ZSWIM5: variants seen among roughly 807,000 people sequenced by gnomAD.
ZSWIM5 encodes the protein zinc finger SWIM-type containing 5.
In ZSWIM5, 55 loss-of-function variants were observed where a neutral mutation model predicts 119.6. That is an observed-to-expected ratio of 0.46 (90% CI 0.37 to 0.58). The LOEUF (loss-of-function observed/expected upper bound fraction) is 0.58, where lower values mean the gene tolerates loss of function less well. Ranked by LOEUF, ZSWIM5 falls within the 20% of genes least tolerant of loss-of-function variation. The pLI is 0.00. For synonymous variants in ZSWIM5, 537 were observed against 606.9 expected (o/e 0.88, Z 1.69); for missense variants, 1,193 against 1,512.8 (o/e 0.79, Z 3.51).
chr1:45,203,969 ATG>A (rs1196782326), intron 1 of ZSWIM5, among the ~76,000 whole-genome samples: 1 of 152,116 alleles, frequency 6.6e-6, no homozygotes, highest in South Asian at 2.1e-4. Flanking sequence ...GTTTGTTTAT[ATG>A]TGTCTTCTGA....
At chr1:45,150,103 G>A (rs1028185639) in intron 1 of ZSWIM5, among the ~76,000 whole-genome samples, 2 of 149,596 alleles carry the variant, frequency 1.3e-5, no homozygotes, top group African/African-American at 4.9e-5. Context: ...CCAGGAGTTC[G>A]AGGCTGCAAT....
chr1:45,104,234 CAAT>C (rs1006415786), intron 1 of ZSWIM5, among the ~76,000 whole-genome samples: 3 of 152,190 alleles, frequency 2.0e-5, no homozygotes, highest in Non-Finnish European at 4.4e-5. Flanking sequence ...ACAATTAAAA[CAAT>C]GAGAGTGACA....
chr1:45,029,457 T>A (rs752279276), intron 11 of ZSWIM5, among the ~76,000 whole-genome samples: 41 of 152,232 alleles, frequency 2.7e-4, no homozygotes, highest in Non-Finnish European at 4.7e-4. Context: ...GTAATCCATG[T>A]TTTTTACTTC....
At chr1:45,075,986 G>A (rs969413133) in intron 2 of ZSWIM5, among the ~76,000 whole-genome samples, 3 of 149,930 alleles carry the variant, frequency 2.0e-5, no homozygotes, top group Admixed American at 1.3e-4. Flanking sequence ...GCAAACAAAC[G>A]AGCCAAAAGA....
chr1:45,032,324 C>A (rs1303714502), intron 11 of ZSWIM5, among the ~76,000 whole-genome samples: 1 of 151,578 alleles, frequency 6.6e-6, no homozygotes, highest in Non-Finnish European at 1.5e-5. Flanking sequence ...AAGACAGGAT[C>A]TTGCTATGTT....
chr1:45,115,582 G>A (rs1278960103), intron 1 of ZSWIM5, among the ~76,000 whole-genome samples: 1 of 150,664 alleles, frequency 6.6e-6, no homozygotes, highest in East Asian at 2.0e-4. Flanking sequence ...GACGATGGGC[G>A]GCCGGGCAGA....
chr1:45,194,810 G>A (rs1328504242), intron 1 of ZSWIM5, among the ~76,000 whole-genome samples: 6 of 151,688 alleles, frequency 4.0e-5, no homozygotes, highest in Non-Finnish European at 7.4e-5. Flanking sequence ...CCAGGAGGCG[G>A]AGCTTGCAGT....
chr1:45,029,031 A>C (rs1644936863), intron 11 of ZSWIM5, among the ~76,000 whole-genome samples: 1 of 152,232 alleles, frequency 6.6e-6, no homozygotes, highest in South Asian at 2.1e-4. Flanking sequence ...TTTGAAAGTA[A>C]GTGACTTGAT....
rs796877047 is a variant in ZSWIM5 at position 45,134,167 on chromosome 1, T to TG, written c.596-45931dup. 2.0e-5 allele frequency among the ~76,000 whole-genome samples: 3 copies of TG among 152,300 alleles called. No individual in the cohort carries two copies. In the South Asian group the frequency reaches 6.2e-4, roughly 32 times the overall value. On this transcript the variant is annotated intron_variant, in intron 1 of 13. Transcript: ENST00000359600. ...GTGAAGAAAGTCACTGGTAGCTTGA[T>TG]GGTGATGGCATTGAATCTATAAATT...
In ZSWIM5 at chr1:45,019,017, G is replaced by C. The variant is rs1644871722; in HGVS notation, c.2995C>G (p.Gln999Glu). 6.2e-7 allele frequency: 1 copy of C among 1,614,124 alleles called. No homozygotes were observed. The highest frequency in any genetic ancestry group is 1.1e-5 in the South Asian group (1 of 91,092). The change falls in exon 14 of 14, where the codon CAG becomes GAG. Residue 999 changes from glutamine to glutamate, a missense_variant. By Grantham distance (29) the Gln-to-Glu change is conservative. Coordinates refer to ENST00000359600, the MANE Select transcript of ZSWIM5 (RefSeq NM_020883.2). This position sits in a 1 kb window ranked among gnomAD's most constrained non-coding sequence, Gnocchi z 5.0. ...DAAAGGMTHS[Q>E]LFTIARYMEL... ...ATGTAGCGGGCGATGGTGAACAGCT[G>C]TGAATGGGTCATACCACCAGCAGCA...
chr1:45,187,410 A>G (rs1314014360), intron 1 of ZSWIM5, among the ~76,000 whole-genome samples: 1 of 152,174 alleles, frequency 6.6e-6, no homozygotes, highest in Non-Finnish European at 1.5e-5. Context: ...AAAAAAGTTG[A>G]AGCCCCTTCT....
intron 5 of ZSWIM5, 26 bp downstream of exon 5, chr1:45,051,048 A>G: frequency 6.3e-7 from 1 of 1,598,740 alleles, no homozygotes; most frequent in Non-Finnish European, 8.5e-7. Context: ...CCAGGTACAA[A>G]GAGCCTAAAA....
chr1:45,048,880 G>C (rs1645072583), intron 5 of ZSWIM5, among the ~76,000 whole-genome samples: 1 of 152,196 alleles, frequency 6.6e-6, no homozygotes, highest in South Asian at 2.1e-4. Context: ...CAGCACTTTG[G>C]GAGGCCAAGG....
At chr1:45,163,886 A>G (rs1468430302) in intron 1 of ZSWIM5, among the ~76,000 whole-genome samples, 1 of 152,228 alleles carries the variant, frequency 6.6e-6, no homozygotes, top group Non-Finnish European at 1.5e-5. Flanking sequence ...ACCAAGTTGG[A>G]AAACACTCTT....
At chr1:45,090,503 C>G (rs1309132357) in intron 1 of ZSWIM5, among the ~76,000 whole-genome samples, 1 of 152,046 alleles carries the variant, frequency 6.6e-6, no homozygotes, top group Admixed American at 6.5e-5. Flanking sequence ...GTAATCCCAG[C>G]ACTTTCGGAG....
intron 1 of ZSWIM5, among the ~76,000 whole-genome samples, chr1:45,201,684 A>C (rs1646159149): frequency 6.6e-6 from 1 of 152,222 alleles, no homozygotes; most frequent in African/African-American, 2.4e-5. Context: ...CATCTTTAAA[A>C]TCCAAAGCTC....
intron 11 of ZSWIM5, among the ~76,000 whole-genome samples, chr1:45,024,146 C>T (rs1271936328): frequency 6.7e-6 from 1 of 148,542 alleles, no homozygotes; most frequent in Non-Finnish European, 1.5e-5. Context: ...CTCCCAGTCT[C>T]TGCTTGTCTT....
intron 1 of ZSWIM5, 91 bp downstream of exon 1, chr1:45,205,665 G>A: frequency 7.6e-7 from 1 of 1,320,070 alleles, no homozygotes; most frequent in Non-Finnish European, 9.9e-7. Context: ...TTGGGCAGAA[G>A]GCCGGGGTCT....
At chr1:45,033,815 T>G (rs987501578) in intron 11 of ZSWIM5, among the ~76,000 whole-genome samples, 2 of 152,104 alleles carry the variant, frequency 1.3e-5, no homozygotes, top group East Asian at 3.8e-4. Context: ...TTTTACATAT[T>G]TGGTATCCTA....
Sources: allele counts gnomAD v4.1 joint callset (sites outside exome capture counted in the v4.1 genomes callset), GRCh38; gene constraint gnomAD v4.1.1; non-coding constraint Gnocchi (gnomAD v3.1); transcripts MANE v1.5; gene names NCBI Gene and HGNC (gene_info 2026-07-23, HGNC 2026-07-21).